Variants in PDE8B observed in about 807,000 individuals in gnomAD.
The protein encoded by PDE8B is high affinity cAMP-specific and IBMX-insensitive 3',5'-cyclic phosphodiesterase 8B.
A neutral mutation model predicts 101.3 loss-of-function variants in PDE8B; 26 were observed. That is an observed-to-expected ratio of 0.26 (90% CI 0.19 to 0.36). PDE8B has a LOEUF of 0.36. Among genes scored for constraint, PDE8B ranks in the 10% least tolerant of loss-of-function variants. PDE8B has a pLI of 1.00. For missense variants in PDE8B, 810 were observed against 1,163.1 expected, an observed-to-expected ratio of 0.70 and a Z score of 4.42; for synonymous variants, 424 against 429.3, an observed-to-expected ratio of 0.99 and a Z score of 0.15.
intron 1 of PDE8B, among the ~76,000 whole-genome samples, chr5:77,299,326 GT>G (rs1325351688): frequency 3.3e-5 from 5 of 151,664 alleles, no homozygotes; most frequent in African/African-American, 1.2e-4. Context: ...CAATGTGCAG[GT>G]TTGTTACATA....
chr5:77,118,976 C>G, the PDE8B span: 1 of 151,998 alleles, frequency 6.6e-6, no homozygotes, highest in South Asian at 2.1e-4. Flanking sequence ...CAAAATGATA[C>G]TAGGGATCAG....
At chr5:77,168,316 C>T in the PDE8B span, among the ~76,000 whole-genome samples, 1 of 152,216 alleles carries the variant, frequency 6.6e-6, no homozygotes, top group Non-Finnish European at 1.5e-5. Flanking sequence ...TCAGGCTGTT[C>T]CTTCCTGGCA....
At chr5:77,192,988 A>G in the PDE8B span, among the ~76,000 whole-genome samples, 1 of 152,070 alleles carries the variant, frequency 6.6e-6, no homozygotes, top group African/African-American at 2.4e-5. Flanking sequence ...TGTATTATGA[A>G]GTATCTGCTC....
At chr5:77,116,232 T>C in the PDE8B span, among the ~76,000 whole-genome samples, 141 of 125,474 alleles carry the variant, frequency 1.1e-3, no homozygotes, top group Admixed American at 2.6e-3. Context: ...ATATTTTTTT[T>C]TTTTTTTTTT....
At chr5:77,240,775 A>G (rs1009654735) in intron 1 of PDE8B, among the ~76,000 whole-genome samples, 8 of 152,268 alleles carry the variant, frequency 5.3e-5, no homozygotes, top group African/African-American at 1.7e-4. Flanking sequence ...AGAAAAATAC[A>G]TAACTCTTAC....
intron 12 of PDE8B, among the ~76,000 whole-genome samples, chr5:77,406,022 C>T (rs983657827): frequency 6.6e-6 from 1 of 152,130 alleles, no homozygotes; most frequent in Non-Finnish European, 1.5e-5. Context: ...TGCGATGGCT[C>T]ATGCCTGTGA....
intron 1 of PDE8B, among the ~76,000 whole-genome samples, chr5:77,283,257 G>A (rs1432444969): frequency 6.6e-6 from 1 of 151,956 alleles, no homozygotes; most frequent in Non-Finnish European, 1.5e-5. Flanking sequence ...CCACTCCCTG[G>A]AGCCATATGC....
intron 1 of PDE8B, among the ~76,000 whole-genome samples, chr5:77,308,254 A>G (rs1006947472): frequency 1.3e-5 from 2 of 152,168 alleles, no homozygotes; most frequent in Non-Finnish European, 2.9e-5. Flanking sequence ...GACTTGGAGC[A>G]CAGACCAAGA....
intron 1 of PDE8B, among the ~76,000 whole-genome samples, chr5:77,262,035 G>A (rs1295030819): frequency 6.6e-6 from 1 of 151,894 alleles, no homozygotes; most frequent in Non-Finnish European, 1.5e-5. Flanking sequence ...TTTTTAATGA[G>A]GATACTAAGA....
chr5:77,227,399 T>C (rs963269119), intron 1 of PDE8B, among the ~76,000 whole-genome samples: 11 of 152,212 alleles, frequency 7.2e-5, no homozygotes, highest in African/African-American at 2.4e-4. Flanking sequence ...ATCATACCTC[T>C]AAATACCATT....
Position 77,427,394 on chromosome 5 carries a change from CT to C in PDE8B, c.*844del, listed in dbSNP as rs1021792789. 4.0e-5 allele frequency: 4 copies of C among 100,300 alleles called. No homozygotes were observed. The highest frequency in any genetic ancestry group is 1.9e-4 in the African/African-American group (4 of 21,354). The allele number at this position is 100,300 out of a possible 1,614,324, so 6.2% of individuals were successfully genotyped here. A position where few individuals can be genotyped will look rare whatever the true frequency, so the allele number is the denominator to read the frequency against. Reference sequence around the variant, plus strand: ...TTAAATTTGAATGCCCTTGGACAAGCTTTTCTTAAAAAAAAAAAAAAAAAGT... The same window carrying C: ...TTAAATTTGAATGCCCTTGGACAAGCTTTCTTAAAAAAAAAAAAAAAAAGT... On this transcript the variant is annotated 3_prime_UTR_variant, in exon 22 of 22. Transcript: ENST00000264917.
the PDE8B span, among the ~76,000 whole-genome samples, chr5:77,203,474 G>A: frequency 6.6e-6 from 1 of 152,202 alleles, no homozygotes; most frequent in Non-Finnish European, 1.5e-5. Context: ...GCACAGTGGT[G>A]GTGCTCAAAC....
chr5:77,222,483 G>C (rs145020227), intron 1 of PDE8B, among the ~76,000 whole-genome samples: 1 of 152,140 alleles, frequency 6.6e-6, no homozygotes, highest in Non-Finnish European at 1.5e-5. Flanking sequence ...TTAGCTGGGC[G>C]TGGTGGCTTG....
the PDE8B span, among the ~76,000 whole-genome samples, chr5:77,171,923 G>C: frequency 2.0e-5 from 3 of 152,178 alleles, no homozygotes; most frequent in Non-Finnish European, 4.4e-5. Flanking sequence ...TAGGGCACAG[G>C]ATGAGGGGAG....
intron 20 of PDE8B, among the ~76,000 whole-genome samples, chr5:77,423,517 C>G (rs981419569): frequency 6.6e-6 from 1 of 151,950 alleles, no homozygotes; most frequent in African/African-American, 2.4e-5. Flanking sequence ...ACAACCTTGC[C>G]AACATCTGTT....
At chr5:77,134,118 T>C in the PDE8B span, among the ~76,000 whole-genome samples, 1 of 152,268 alleles carries the variant, frequency 6.6e-6, no homozygotes, top group African/African-American at 2.4e-5. Context: ...GACCATGGGA[T>C]CCACTGGTCA....
At chr5:77,405,031 G>T (rs779916693) in intron 12 of PDE8B, among the ~76,000 whole-genome samples, 18 of 152,168 alleles carry the variant, frequency 1.2e-4, no homozygotes, top group Non-Finnish European at 2.2e-4. Flanking sequence ...TTCCTTGATG[G>T]CTTGAAGCAT....
the PDE8B span, among the ~76,000 whole-genome samples, chr5:77,197,109 C>CTTTTTT: frequency 7.4e-5 from 7 of 94,654 alleles, no homozygotes; most frequent in Non-Finnish European, 1.3e-4. Flanking sequence ...TTAAAAAAAA[C>CTTTTTT]TTTTTTTTTT....
chr5:77,290,413 T>C (rs1468021889), intron 1 of PDE8B: 1 of 1,412,088 alleles, frequency 7.1e-7, no homozygotes, highest in African/African-American at 1.4e-5. Context: ...AACTAGCCAA[T>C]AGCAAGAGTC....
Sources: gnomAD v4.1 joint callset for allele counts (sites outside exome capture counted in the v4.1 genomes callset) on GRCh38, gnomAD v4.1.1 for gene constraint, MANE v1.5 for transcripts, NCBI Gene and HGNC (gene_info 2026-07-23, HGNC 2026-07-21) for gene names.